Variants in ATP9B observed in about 807,000 individuals in gnomAD.
ATP9B encodes the protein probable phospholipid-transporting ATPase IIB.
Under a neutral mutation model 146.1 loss-of-function variants are expected in ATP9B, and 110 were observed. The observed-to-expected ratio is 0.75, with a 90% CI of 0.65 to 0.88. The LOEUF (loss-of-function observed/expected upper bound fraction) is 0.88, where lower values mean the gene tolerates loss of function less well. Among genes scored for constraint, ATP9B ranks in the 40% least tolerant of loss-of-function variants. The pLI, the probability that ATP9B is intolerant of heterozygous loss-of-function variation, is 0.00. For missense variants in ATP9B, 1,499 were observed against 1,496.4 expected (o/e 1.00, Z -0.03); for synonymous variants, 604 against 569.7 (o/e 1.06, Z -0.86).
At chr18:79,122,676 AC>A (rs2147144477) in intron 4 of ATP9B, among the ~76,000 whole-genome samples, 1 of 152,294 alleles carries the variant, frequency 6.6e-6, no homozygotes, top group East Asian at 1.9e-4. Flanking sequence ...TTTTGACAGC[AC>A]CAACTTTCTT....
At chr18:79,288,431 G>T (rs1263149122) in intron 13 of ATP9B, among the ~76,000 whole-genome samples, 1 of 152,106 alleles carries the variant, frequency 6.6e-6, no homozygotes, top group African/African-American at 2.4e-5. Flanking sequence ...GACTGGGATT[G>T]CAACCCCTGC....
intron 13 of ATP9B, among the ~76,000 whole-genome samples, chr18:79,290,308 G>A (rs905927379): frequency 2.6e-5 from 4 of 152,238 alleles, no homozygotes; most frequent in Non-Finnish European, 5.9e-5. Flanking sequence ...ACCTAAGCAA[G>A]CCTGGGCAAT....
intron 12 of ATP9B, among the ~76,000 whole-genome samples, chr18:79,263,049 G>A (rs2096161100): frequency 6.6e-6 from 1 of 152,032 alleles, no homozygotes; most frequent in South Asian, 2.1e-4. Context: ...TTTGAGCATT[G>A]TTTTATTTTG....
chr18:79,281,121 C>A (rs2096371786), intron 13 of ATP9B, among the ~76,000 whole-genome samples: 1 of 151,992 alleles, frequency 6.6e-6, no homozygotes, highest in African/African-American at 2.4e-5. Context: ...TTGATAAAAC[C>A]ATCAATGATT....
intron 4 of ATP9B, among the ~76,000 whole-genome samples, chr18:79,124,679 G>C (rs927864373): frequency 2.6e-5 from 4 of 152,212 alleles, no homozygotes; most frequent in Admixed American, 6.5e-5. Flanking sequence ...TATTGAGTGG[G>C]GGACAAGGCT....
At chr18:79,327,914 GTAGCGTGCTCTCTCTGGT>G (rs2096766960) in intron 15 of ATP9B, among the ~76,000 whole-genome samples, 3 of 52,710 alleles carry the variant, frequency 5.7e-5, no homozygotes, top group African/African-American at 8.6e-5. Flanking sequence ...CTCTCCGTGG[GTAGCGTGCTCTCTCTGGT>G]TAGCGTGCTC....
Position 79,193,183 on chromosome 18 carries a change from G to T in ATP9B, c.874G>T (p.Asp292Tyr), listed in dbSNP as rs376085722. Residue 292 changes from aspartate to tyrosine, a missense_variant and splice_region_variant, in exon 9 of 30, where the codon GAC becomes TAC. Asp to Tyr is a radical substitution (Grantham distance 160, BLOSUM62 -3). Coordinates refer to ENST00000426216, the MANE Select transcript of ATP9B (RefSeq NM_198531.5). ...SCTQQLPALG[D>Y]LFSISAYVYA... ...TCGATTCAAATGTTCTGTATTCCAG[G>T]ACCTTTTTTCTATCAGTGCTTATGT... The T allele has an allele frequency of 1.4e-5, 22 of 1,595,142 alleles. No homozygotes were observed. The highest frequency in any genetic ancestry group is 6.7e-5 in the Admixed American group (4 of 59,320).
chr18:79,355,778 T>G (rs1397844699), intron 25 of ATP9B, among the ~76,000 whole-genome samples: 2 of 152,136 alleles, frequency 1.3e-5, no homozygotes, highest in Non-Finnish European at 2.9e-5. Flanking sequence ...TTCAAGAAGG[T>G]AAGCAAACCC....
In ATP9B at chr18:79,256,257, CTATATA is replaced by C. The variant is rs10531617; in HGVS notation, c.1268+2741_1268+2746del. On this transcript the variant is annotated intron_variant, in intron 12 of 29. Coordinates refer to ENST00000426216, the MANE Select transcript of ATP9B (RefSeq NM_198531.5). ...ATGCCATTTTGTGAATTCTAGCTAG[CTATATA>C]TATATATATATATATATATATATAC... Among the ~76,000 whole-genome samples the C allele has an allele frequency of 6.1e-3, 610 of 100,374 alleles. 33 individuals are homozygous for C. Among genetic ancestry groups the C allele is most frequent in the African/African-American group, 0.022 (477 of 21,622 alleles). The allele number at this position is 100,374 out of a possible 152,430, so 65.8% of individuals were successfully genotyped here.
chr18:79,366,366 GA>G (rs1600425696), intron 26 of ATP9B, among the ~76,000 whole-genome samples: 1 of 152,230 alleles, frequency 6.6e-6, no homozygotes, highest in East Asian at 1.9e-4. Flanking sequence ...GGGCTGGGAA[GA>G]AAGGAGCTCT....
At chr18:79,161,703 C>T (rs746764667) in intron 7 of ATP9B, among the ~76,000 whole-genome samples, 7 of 151,924 alleles carry the variant, frequency 4.6e-5, no homozygotes, top group East Asian at 1.9e-4. Flanking sequence ...AAAAATTTGC[C>T]GGCGTGGTGG....
At chr18:79,217,630 CAT>C (rs999522770) in intron 11 of ATP9B, among the ~76,000 whole-genome samples, 6 of 152,174 alleles carry the variant, frequency 3.9e-5, no homozygotes, top group African/African-American at 9.7e-5. Flanking sequence ...CGAAAGGTAA[CAT>C]GTAATTTATC....
intron 12 of ATP9B, among the ~76,000 whole-genome samples, chr18:79,276,812 A>G (rs2096314727): frequency 6.6e-6 from 1 of 152,272 alleles, no homozygotes; most frequent in Admixed American, 6.5e-5. Context: ...GTATTTTCAT[A>G]TAAAATGAAA....
intron 12 of ATP9B, among the ~76,000 whole-genome samples, chr18:79,275,942 A>G (rs980413107): frequency 6.6e-6 from 1 of 152,272 alleles, no homozygotes; most frequent in South Asian, 2.1e-4. Flanking sequence ...TTTAACTTAC[A>G]TACAGACTTC....
At chr18:79,292,253 A>G (rs2096512062) in intron 13 of ATP9B, among the ~76,000 whole-genome samples, 1 of 152,200 alleles carries the variant, frequency 6.6e-6, no homozygotes, top group Admixed American at 6.5e-5. Context: ...TCCACATTGT[A>G]AAGGAGAGCA....
intron 7 of ATP9B, among the ~76,000 whole-genome samples, chr18:79,157,203 A>G (rs1246876943): frequency 8.1e-6 from 1 of 123,452 alleles, no homozygotes; most frequent in Non-Finnish European, 1.6e-5. Flanking sequence ...TCTACTAAAA[A>G]AAATACACAC....
chr18:79,073,737 A>G (rs986125552), intron 1 of ATP9B, among the ~76,000 whole-genome samples: 4 of 152,176 alleles, frequency 2.6e-5, no homozygotes, highest in Non-Finnish European at 5.9e-5. Context: ...CTCTATTCTC[A>G]ATCTCATCCA....
intron 5 of ATP9B, among the ~76,000 whole-genome samples, chr18:79,142,600 G>A (rs1241129830): frequency 6.6e-6 from 1 of 152,140 alleles, no homozygotes; most frequent in East Asian, 1.9e-4. Context: ...ATGCTCATAG[G>A]AATTAAAGTG....
intron 4 of ATP9B, among the ~76,000 whole-genome samples, chr18:79,114,061 C>T (rs1251134991): frequency 1.3e-5 from 2 of 152,182 alleles, no homozygotes; most frequent in Non-Finnish European, 2.9e-5. Flanking sequence ...ACCTCCGCCT[C>T]CCGGGTGCAA....
Sources: allele counts gnomAD v4.1 joint callset (sites outside exome capture counted in the v4.1 genomes callset), GRCh38; gene constraint gnomAD v4.1.1; transcripts MANE v1.5; gene names NCBI Gene and HGNC (gene_info 2026-07-23, HGNC 2026-07-21).